The following AP2M1 variants were observed in gnomAD, a reference collection of about 807,000 sequenced individuals.
AP2M1 encodes AP-2 complex subunit mu.
A neutral mutation model predicts 54.5 loss-of-function variants in AP2M1; 5 were observed. The observed-to-expected ratio is 0.09, with a 90% CI of 0.05 to 0.19. AP2M1 has a LOEUF of 0.19. AP2M1 is among the 10% of genes least tolerant of loss of function. The pLI, the probability that AP2M1 is intolerant of heterozygous loss-of-function variation, is 1.00. For missense variants in AP2M1, 178 were observed against 580.2 expected (o/e 0.31, Z 7.12); for synonymous variants, 186 against 208.2 (o/e 0.89, Z 0.92).
rs755854980 is a variant in AP2M1, at chr3:184,182,180, C to T, written c.993C>T (p.Ser331=). ...GGATCCCAACCCCACTGAACACAAG[C>T]GGGGTGCAGGTGATCTGCATGAAGG... ...EVRIPTPLNT[S]GVQVICMKGK... is the part of the protein sequence containing the mutation. The change falls in exon 10 of 12, where the codon AGC becomes AGT. Residue 331 remains serine, a synonymous_variant. Coordinates refer to ENST00000292807, the MANE Select transcript of AP2M1 (RefSeq NM_004068.4). The surrounding 1 kb of genome is among the most constrained non-coding windows in gnomAD (Gnocchi z 5.5). 14 of 1,613,972 alleles carry T rather than the reference C, an allele frequency of 8.7e-6. No homozygotes were observed. Among genetic ancestry groups the T allele is most frequent in the East Asian group, 2.2e-5 (1 of 44,894 alleles).
rs1339514024 is a variant in AP2M1, at chr3:184,178,836, C to T, written c.75-21C>T. 3.1e-6 allele frequency: 5 copies of T among 1,612,210 alleles called. No homozygotes were observed. Among genetic ancestry groups the T allele is most frequent in the East Asian group, 2.2e-5 (1 of 44,874 alleles). On this transcript the variant is annotated intron_variant, in intron 2 of 11. Transcript: ENST00000292807. This position sits in a 1 kb window ranked among gnomAD's most constrained non-coding sequence, Gnocchi z 4.9. The stretch of plus-strand genomic sequence containing the variant: ...GGTTCACCTGGGTGCTGAGCAGGCC[C>T]TATGCACTCTTTTCCCTCAGGAGGA...
intron 2 of AP2M1, chr3:184,177,472 T>C: frequency 7.1e-7 from 1 of 1,417,686 alleles, no homozygotes; most frequent in Non-Finnish European, 9.6e-7. Context: ...CCTTCCCATA[T>C]CAAACGCCTT....
Position 184,178,165 on chromosome 3 carries a change from C to G in AP2M1, c.75-692C>G, listed in dbSNP as rs988859177. On this transcript the variant is annotated intron_variant, in intron 2 of 11. Transcript: ENST00000292807. This position sits in a 1 kb window ranked among gnomAD's most constrained non-coding sequence, Gnocchi z 4.9. The stretch of plus-strand genomic sequence containing the variant: ...AACCCTCTCTCTCGTTGCTATCACT[C>G]TCCTCTTCTTGCTGGCGTCATTTCT... The G allele has an allele frequency of 1.8e-5, 28 of 1,525,952 alleles. No homozygotes were observed. Among genetic ancestry groups the G allele is most frequent in the Non-Finnish European group, 2.5e-5 (28 of 1,137,732 alleles). The allele number at this position is 1,525,952 out of a possible 1,614,324, so 94.5% of individuals were successfully genotyped here. A position where few individuals can be genotyped will look rare whatever the true frequency, so the allele number is the denominator to read the frequency against.
rs2231224 is a variant in AP2M1 at position 184,183,493 on chromosome 3, G to A, written c.1185G>A (p.Ala395=). The change falls in exon 12 of 12, where the codon GCG becomes GCA. Residue 395 remains alanine (A), a synonymous_variant. Coordinates refer to ENST00000292807, the MANE Select transcript of AP2M1 (RefSeq NM_004068.4). The surrounding 1 kb of genome is among the most constrained non-coding windows in gnomAD (Gnocchi z 5.7). ...CTCTCCTTGCCCAGGTGCCATTCGC[G>A]CCCTCTGGCCTCAAGGTGCGCTACT... ...PISMNFEVPF[A]PSGLKVRYLK... is the part of the protein sequence containing the mutation. 239,018 of 1,613,974 alleles carry A rather than the reference G, an allele frequency of 0.15. 19,463 individuals are homozygous for A. Among genetic ancestry groups the A allele is most frequent in the South Asian group, 0.17 (15,125 of 91,080 alleles).
rs1715278409 is a variant in AP2M1 at position 184,181,675 on chromosome 3, C to A, written c.708-21C>A. On this transcript the variant is annotated intron_variant, in intron 7 of 11. Coordinates refer to ENST00000292807, the MANE Select transcript of AP2M1 (RefSeq NM_004068.4). This position sits in a 1 kb window ranked among gnomAD's most constrained non-coding sequence, Gnocchi z 5.7. ...TGTCATTCTCCTGTACCAATGAGAC[C>A]TCTTCTGCCCCTGCTTGCAGCGGGA... 4 of 1,613,276 alleles carry A rather than the reference C, an allele frequency of 2.5e-6. No individual in the cohort carries two copies. The highest frequency in any genetic ancestry group is 3.4e-6 in the Non-Finnish European group (4 of 1,179,790).
At position 184,180,777 on chromosome 3, in the gene AP2M1, TG is replaced by T. The variant is rs965722887; in HGVS notation, c.430-68del. Reference sequence around the variant, plus strand: ...GAAGGGATGGGGAATGAGGGTGGAGTGGGGATAGAGACAGGATGATTAAAGG... The same window carrying T: ...GAAGGGATGGGGAATGAGGGTGGAGTGGGATAGAGACAGGATGATTAAAGG... On this transcript the variant is annotated intron_variant, in intron 5 of 11. Coordinates refer to ENST00000292807, the MANE Select transcript of AP2M1 (RefSeq NM_004068.4). This position sits in a 1 kb window ranked among gnomAD's most constrained non-coding sequence, Gnocchi z 4.9. 2 of 1,613,182 alleles carry T rather than the reference TG, an allele frequency of 1.2e-6. No homozygotes were observed. The highest frequency in any genetic ancestry group is 1.7e-6 in the Non-Finnish European group (2 of 1,179,766).
chr3:184,183,362 C>T lies in AP2M1; in HGVS notation c.1174-120C>T. On this transcript the variant is annotated intron_variant, in intron 11 of 11. Coordinates refer to ENST00000292807, the MANE Select transcript of AP2M1 (RefSeq NM_004068.4). This position sits in a 1 kb window ranked among gnomAD's most constrained non-coding sequence, Gnocchi z 5.7. Reference sequence around the variant, plus strand: ...GGTCCCACGCCGCCCCAGCTTCTTTCAGGACCCCAGCCATACAAACACCTG... The same window carrying T: ...GGTCCCACGCCGCCCCAGCTTCTTTTAGGACCCCAGCCATACAAACACCTG... The T allele has an allele frequency of 6.7e-6, 10 of 1,482,824 alleles. No homozygotes were observed. The South Asian group carries it at 1.2e-4, about 17-fold the overall frequency. 91.9% of individuals were successfully genotyped at this position (1,482,824 alleles called of 1,614,324 possible).
chr3:184,177,877 GTGCTCT>G (rs1715128009), intron 2 of AP2M1: 7 of 595,762 alleles, frequency 1.2e-5, no homozygotes, highest in Admixed American at 3.0e-5. Flanking sequence ...GCCTGTGGCA[GTGCTCT>G]TCATTTGGCT....
At position 184,181,873 on chromosome 3, in the gene AP2M1, G is replaced by A. The variant is rs773223946; in HGVS notation, c.828-39G>A. On this transcript the variant is annotated intron_variant, in intron 8 of 11. Coordinates refer to ENST00000292807, the MANE Select transcript of AP2M1 (RefSeq NM_004068.4). This position sits in a 1 kb window ranked among gnomAD's most constrained non-coding sequence, Gnocchi z 5.7. ...TGCTGGCAGACTGGGGAGAGGAAGT[G>A]GGTCAGCTCTTTGGTAACCTTGCTT... 32 of 1,613,774 alleles carry A rather than the reference G, an allele frequency of 2.0e-5. No individual in the cohort carries two copies. In the African/African-American group the frequency reaches 3.3e-4, roughly 17 times the overall value.
chr3:184,182,331 AG>A lies in AP2M1; in HGVS notation c.1061+87del, dbSNP rs1491194232. On this transcript the variant is annotated intron_variant, in intron 10 of 11. Coordinates refer to ENST00000292807, the MANE Select transcript of AP2M1 (RefSeq NM_004068.4). This position sits in a 1 kb window ranked among gnomAD's most constrained non-coding sequence, Gnocchi z 5.5. ...TTTTCAGCTTTGATCCTTCTGAATG[AG>A]GGGCAGGGGAGTGTGCCTGTTTGCT... 7 of 1,434,672 alleles carry A rather than the reference AG, an allele frequency of 4.9e-6. No individual in the cohort carries two copies. In the African/African-American group the frequency reaches 8.5e-5, roughly 17 times the overall value. 88.9% of individuals were successfully genotyped at this position (1,434,672 alleles called of 1,614,324 possible).
Position 184,182,627 on chromosome 3 carries a change from G to A in AP2M1, c.1062-130G>A, listed in dbSNP as rs961343635. On this transcript the variant is annotated intron_variant, in intron 10 of 11. Coordinates refer to ENST00000292807, the MANE Select transcript of AP2M1 (RefSeq NM_004068.4). The surrounding 1 kb of genome is among the most constrained non-coding windows in gnomAD (Gnocchi z 5.5). ...AGTTTCCATAGCAAGTGGTTAGCAG[G>A]GTCCTGACCACTTCTCCTTGTTCTG... 30 of 702,162 alleles carry A rather than the reference G, an allele frequency of 4.3e-5. No homozygotes were observed. The African/African-American group carries it at 4.9e-4, about 11-fold the overall frequency. 43.5% of individuals were successfully genotyped at this position (702,162 alleles called of 1,614,324 possible). A position where few individuals can be genotyped will look rare whatever the true frequency, so the allele number is the denominator to read the frequency against.
intron 2 of AP2M1, chr3:184,177,601 T>C: frequency 6.5e-7 from 1 of 1,535,746 alleles, no homozygotes; most frequent in Non-Finnish European, 8.7e-7. Context: ...CCCTGGGGAG[T>C]GGCTGGAAGC....
At chr3:184,177,340 C>T (rs570359236) in intron 2 of AP2M1, among the ~76,000 whole-genome samples, 1 of 152,256 alleles carries the variant, frequency 6.6e-6, no homozygotes, top group Non-Finnish European at 1.5e-5. Flanking sequence ...TCTCTAGTTA[C>T]AGTGCCTTTG....
intron 2 of AP2M1, chr3:184,177,521 C>T (rs1715113329): frequency 1.3e-6 from 2 of 1,534,426 alleles, no homozygotes; most frequent in African/African-American, 1.4e-5. Context: ...GCTGCCCAAT[C>T]CTCTCCTGCT....
Position 184,182,422 on chromosome 3 carries a change from ATT to A in AP2M1, c.1061+176_1061+177del. On this transcript the variant is annotated intron_variant, in intron 10 of 11. Coordinates refer to ENST00000292807, the MANE Select transcript of AP2M1 (RefSeq NM_004068.4). The surrounding 1 kb of genome is among the most constrained non-coding windows in gnomAD (Gnocchi z 5.5). ...TCCATGTGAGTATGTACACGCCTGC[ATT>A]TGGGTTCATGCACGTGCTTATTTTT... The A allele has an allele frequency of 1.5e-6, 1 of 676,690 alleles. No homozygotes were observed. The highest frequency in any genetic ancestry group is 2.0e-5 in the South Asian group (1 of 49,642). The allele number at this position is 676,690 out of a possible 1,614,324, so 41.9% of individuals were successfully genotyped here. A position where few individuals can be genotyped will look rare whatever the true frequency, so the allele number is the denominator to read the frequency against.
chr3:184,178,267 G>T lies in AP2M1; in HGVS notation c.75-590G>T. ...TGCTGCCCAGGTACAGGTGGGTGGGGGCCTGCCCCCATCGTTTTCCTGCAT... is the reference window on the plus strand; with the variant it reads ...TGCTGCCCAGGTACAGGTGGGTGGGTGCCTGCCCCCATCGTTTTCCTGCAT... On this transcript the variant is annotated intron_variant, in intron 2 of 11. Transcript: ENST00000292807. The surrounding 1 kb of genome is among the most constrained non-coding windows in gnomAD (Gnocchi z 4.9). 6.5e-7 allele frequency: 1 copy of T among 1,532,650 alleles called. No homozygotes were observed. The highest frequency in any genetic ancestry group is 8.7e-7 in the Non-Finnish European group (1 of 1,143,726). 94.9% of individuals were successfully genotyped at this position (1,532,650 alleles called of 1,614,324 possible). A position where few individuals can be genotyped will look rare whatever the true frequency, so the allele number is the denominator to read the frequency against.
chr3:184,180,229 C>T lies in AP2M1; in HGVS notation c.401C>T (p.Thr134Met), dbSNP rs756877807. The T allele has an allele frequency of 1.1e-5, 17 of 1,614,080 alleles. No homozygotes were observed. Among genetic ancestry groups the T allele is most frequent in the Admixed American group, 1.7e-5 (1 of 60,008 alleles). ...ACAGGCGCGCTGAAAACCTTCATCA[C>T]GCAGCAGGGCATCAAGAGTCAGGTA... ...SETGALKTFITQQGIKSQHQT... is the reference protein window; with the variant it reads ...SETGALKTFIMQQGIKSQHQT... The change falls in exon 4 of 12, where the codon ACG (threonine) becomes ATG (methionine). Residue 134 changes from threonine (T) to methionine (M), a missense_variant. By Grantham distance (81) the Thr-to-Met change is moderately conservative. This residue lies in a region of AP2M1 where 115 missense variants were observed against 331.2 expected (regional missense o/e 0.35). Coordinates refer to ENST00000292807, the MANE Select transcript of AP2M1 (RefSeq NM_004068.4). The surrounding 1 kb of genome is among the most constrained non-coding windows in gnomAD (Gnocchi z 4.9).
chr3:184,177,519 A>G (rs758992530), intron 2 of AP2M1: 68 of 1,533,800 alleles, frequency 4.4e-5, no homozygotes, highest in African/African-American at 8.2e-5. Flanking sequence ...AGGCTGCCCA[A>G]TCCTCTCCTG....
At chr3:184,176,366 T>A (rs1318248242) in intron 1 of AP2M1, among the ~76,000 whole-genome samples, 1 of 152,096 alleles carries the variant, frequency 6.6e-6, no homozygotes, top group African/African-American at 2.4e-5. Context: ...CACTCCCGGG[T>A]CCACATTAGG....
Sources: gnomAD v4.1 joint callset for allele counts (sites outside exome capture counted in the v4.1 genomes callset) on GRCh38, gnomAD v4.1.1 for gene constraint, gnomAD v4.1.1 regional missense constraint, Gnocchi (gnomAD v3.1) non-coding constraint, MANE v1.5 for transcripts, NCBI Gene and HGNC (gene_info 2026-07-23, HGNC 2026-07-21) for gene names.